NRG1: variants seen among roughly 807,000 people sequenced by gnomAD.
NRG1 encodes the protein neuregulin 1.
Under a neutral mutation model 63.8 loss-of-function variants are expected in NRG1, and 18 were observed. The observed-to-expected ratio is 0.28, with a 90% CI of 0.19 to 0.42. The LOEUF (loss-of-function observed/expected upper bound fraction) is 0.42. Among genes scored for constraint, NRG1 ranks in the 10% least tolerant of loss-of-function variants. The pLI is 1.00. For synonymous variants in NRG1, 302 were observed against 301.3 expected (o/e 1.00, Z -0.02); for missense variants, 762 against 814.7 (o/e 0.94, Z 0.79).
At chr8:32,146,072 G>A (rs1836840804) in intron 1 of NRG1, among the ~76,000 whole-genome samples, 2 of 152,188 alleles carry the variant, frequency 1.3e-5, no homozygotes, top group East Asian at 1.9e-4. Flanking sequence ...TGTATATCAA[G>A]GACATGTGAG....
At chr8:32,327,543 T>C (rs1399094698) in intron 1 of NRG1, among the ~76,000 whole-genome samples, 1 of 152,256 alleles carries the variant, frequency 6.6e-6, no homozygotes, top group East Asian at 1.9e-4. Context: ...ACTAGGTTAC[T>C]GAGGATCTGA....
intron 1 of NRG1, among the ~76,000 whole-genome samples, chr8:31,686,670 C>A (rs760359494): frequency 6.6e-6 from 1 of 152,062 alleles, no homozygotes; most frequent in Non-Finnish European, 1.5e-5. Flanking sequence ...CTTTGTTTTA[C>A]TTTGTCACAA....
chr8:31,837,959 T>C (rs891884805), intron 1 of NRG1, among the ~76,000 whole-genome samples: 5 of 152,222 alleles, frequency 3.3e-5, no homozygotes, highest in Admixed American at 2.0e-4. Flanking sequence ...AGATGTCTCT[T>C]CTATATACTG....
At chr8:31,906,830 G>A (rs780737573) in intron 1 of NRG1, among the ~76,000 whole-genome samples, 2 of 152,200 alleles carry the variant, frequency 1.3e-5, no homozygotes, top group African/African-American at 2.4e-5. Flanking sequence ...TGTGAAGTTT[G>A]TCAAGTGAAA....
chr8:32,050,629 G>C (rs747870130), intron 1 of NRG1, among the ~76,000 whole-genome samples: 1 of 151,982 alleles, frequency 6.6e-6, no homozygotes, highest in African/African-American at 2.4e-5. Flanking sequence ...CTGCTAAGAA[G>C]AAAACTGTAT....
intron 1 of NRG1, among the ~76,000 whole-genome samples, chr8:32,144,566 C>G (rs1352460040): frequency 6.6e-6 from 1 of 152,138 alleles, no homozygotes; most frequent in African/African-American, 2.4e-5. Context: ...GGTAATTCAC[C>G]TATCACTAGG....
At chr8:32,624,394 G>A (rs1474349521) in intron 5 of NRG1, among the ~76,000 whole-genome samples, 1 of 152,062 alleles carries the variant, frequency 6.6e-6, no homozygotes, top group Non-Finnish European at 1.5e-5. Context: ...AGAGAGGAGA[G>A]TTCTGTAGCA....
intron 1 of NRG1, among the ~76,000 whole-genome samples, chr8:31,985,454 G>A (rs1329526651): frequency 6.6e-6 from 1 of 152,014 alleles, no homozygotes; most frequent in Non-Finnish European, 1.5e-5. Flanking sequence ...ACATTTCATG[G>A]TCACTAAAAG....
intron 1 of NRG1, among the ~76,000 whole-genome samples, chr8:31,897,092 T>C (rs1481827740): frequency 6.6e-6 from 1 of 152,208 alleles, no homozygotes; most frequent in Non-Finnish European, 1.5e-5. Flanking sequence ...ATTCTGTTTC[T>C]AGGCAAACTG....
intron 1 of NRG1, among the ~76,000 whole-genome samples, chr8:32,165,323 T>C (rs1839286563): frequency 6.6e-6 from 1 of 151,912 alleles, no homozygotes; most frequent in Non-Finnish European, 1.5e-5. Context: ...AAAAACATTT[T>C]TGTAGAGATA....
intron 1 of NRG1, among the ~76,000 whole-genome samples, chr8:31,716,511 C>T (rs1357849708): frequency 6.6e-6 from 1 of 152,222 alleles, no homozygotes; most frequent in Non-Finnish European, 1.5e-5. Context: ...CACATTGCCT[C>T]AGTGCTCTTC....
At chr8:31,690,282 T>C (rs1029888787) in intron 1 of NRG1, among the ~76,000 whole-genome samples, 5 of 152,114 alleles carry the variant, frequency 3.3e-5, no homozygotes, top group Non-Finnish European at 7.3e-5. Context: ...TATTTCTTCA[T>C]AGCAGCATGA....
At chr8:32,185,921 G>A (rs1236664311) in intron 1 of NRG1, among the ~76,000 whole-genome samples, 1 of 152,146 alleles carries the variant, frequency 6.6e-6, no homozygotes, top group Non-Finnish European at 1.5e-5. Context: ...AGTGATTCTT[G>A]ATAATCCTAA....
chr8:32,467,155 T>C (rs943066455), intron 1 of NRG1, among the ~76,000 whole-genome samples: 1 of 152,202 alleles, frequency 6.6e-6, no homozygotes, highest in Non-Finnish European at 1.5e-5. Flanking sequence ...GAACCCAATA[T>C]AAACACAAAG....
At chr8:32,770,412 C>G (rs1164066238), downstream of NRG1, among the ~76,000 whole-genome samples, 1 of 152,122 alleles carries the variant, frequency 6.6e-6, no homozygotes, top group Non-Finnish European at 1.5e-5. Flanking sequence ...ACTGCAAATC[C>G]AGTTTCTTTC....
chr8:32,286,235 A>G (rs1853502915), intron 1 of NRG1, among the ~76,000 whole-genome samples: 1 of 152,204 alleles, frequency 6.6e-6, no homozygotes, highest in Non-Finnish European at 1.5e-5. Flanking sequence ...GTTTGAAATA[A>G]TGAGTATTTG....
At chr8:31,994,032 A>G (rs1360752515) in intron 1 of NRG1, among the ~76,000 whole-genome samples, 1 of 152,010 alleles carries the variant, frequency 6.6e-6, no homozygotes, top group South Asian at 2.1e-4. Flanking sequence ...GGATGGGTCA[A>G]TTTTGGCAGG....
At chr8:32,304,784 A>T (rs1237131648) in intron 1 of NRG1, among the ~76,000 whole-genome samples, 2 of 152,028 alleles carry the variant, frequency 1.3e-5, no homozygotes, top group Non-Finnish European at 1.5e-5. Flanking sequence ...TTAATTTGGG[A>T]GGCTGAAGCA....
rs775940343 is a variant in NRG1, at chr8:32,657,368, C to T, written c.502+40483C>T. ...CTATTCTTTCATACCCCACCTATTC[C>T]TTCTTCTCCAGCGATCTCAGGGCAC... is the stretch of plus-strand genomic sequence containing the variant. On this transcript the variant is annotated intron_variant, in intron 5 of 11. Coordinates refer to ENST00000356819, the Ensembl canonical transcript of NRG1. Among the ~76,000 whole-genome samples the T allele has an allele frequency of 3.5e-4, 53 of 151,840 alleles. 1 individual carries two copies. Among genetic ancestry groups the T allele is most frequent in the Middle Eastern group, 6.8e-3 (2 of 294 alleles).
Sources: allele counts gnomAD v4.1 joint callset (sites outside exome capture counted in the v4.1 genomes callset), GRCh38; gene constraint gnomAD v4.1.1; transcripts MANE v1.5; gene names NCBI Gene and HGNC (gene_info 2026-07-23, HGNC 2026-07-21).